PCTP: variants seen among roughly 807,000 people sequenced by gnomAD.
PCTP encodes START domain-containing protein 2.
Under a neutral mutation model 31.0 loss-of-function variants are expected in PCTP, and 27 were observed. That is an observed-to-expected ratio of 0.87 (90% CI 0.64 to 1.20). PCTP has a LOEUF of 1.20. PCTP is among the 50% of genes most tolerant of loss of function. The pLI, the probability that PCTP is intolerant of heterozygous loss-of-function variation, is 0.00. For missense variants in PCTP, 287 were observed against 268.2 expected, an observed-to-expected ratio of 1.07 and a Z score of -0.49; for synonymous variants, 108 against 101.2, an observed-to-expected ratio of 1.07 and a Z score of -0.40.
chr17:55,790,881 A>G (rs1911939482), intron 3 of PCTP, among the ~76,000 whole-genome samples: 2 of 150,522 alleles, frequency 1.3e-5, no homozygotes, highest in Non-Finnish European at 2.9e-5. Flanking sequence ...AGCTGGAGGC[A>G]TCACGCTACC....
At chr17:55,792,039 A>G (rs1329080487) in intron 3 of PCTP, among the ~76,000 whole-genome samples, 3 of 150,518 alleles carry the variant, frequency 2.0e-5, no homozygotes, top group Non-Finnish European at 4.4e-5. Context: ...CATCATTCTC[A>G]GTAAACTATC....
At chr17:55,851,678 G>A in the PCTP span, among the ~76,000 whole-genome samples, 1 of 152,146 alleles carries the variant, frequency 6.6e-6, no homozygotes. Context: ...ATAAGATGAA[G>A]GGACTTATTG....
Position 55,839,942 on chromosome 17 carries a change from A to C in PCTP, n.506-2785A>C, listed in dbSNP as rs917810832. Among the ~76,000 whole-genome samples the C allele has an allele frequency of 6.2e-4, 93 of 150,610 alleles. 1 individual carries two copies. Among genetic ancestry groups the C allele is most frequent in the Non-Finnish European group, 1.2e-3 (84 of 67,520 alleles). ...CTCAAAAAAAAAAAAAAAAAAAAAAAAAAAACAACTGAAGCACGTTTTCAA... is the reference window on the plus strand; with the variant it reads ...CTCAAAAAAAAAAAAAAAAAAAAAACAAAAACAACTGAAGCACGTTTTCAA... On this transcript the variant is annotated intron_variant and non_coding_transcript_variant, in intron 5 of 5. Transcript: ENST00000576221.
chr17:55,795,280 A>G (rs1912148455), intron 3 of PCTP, among the ~76,000 whole-genome samples: 2 of 152,094 alleles, frequency 1.3e-5, no homozygotes, highest in African/African-American at 4.8e-5. Flanking sequence ...AACTTCACGT[A>G]GTCTGACTGC....
At chr17:55,755,217 C>T (rs1048298802) in intron 1 of PCTP, among the ~76,000 whole-genome samples, 4 of 152,056 alleles carry the variant, frequency 2.6e-5, no homozygotes, top group Admixed American at 1.3e-4. Context: ...TTTAAGGACC[C>T]GATTGTGCAT....
intron 3 of PCTP, chr17:55,787,709 T>A (rs1234164245): frequency 6.6e-6 from 1 of 152,162 alleles, no homozygotes; most frequent in South Asian, 2.1e-4. Flanking sequence ...GGTCATCTTA[T>A]CTACCATCTT....
rs188628329 is a variant in PCTP at position 55,819,553 on chromosome 17, C to T, written c.318-3208C>T. On this transcript the variant is annotated intron_variant, in intron 3 of 3. Coordinates refer to the PCTP transcript ENST00000572536. ...ATCATTTTAGTTCAGGAGTTCAAGACCAGCCTAGGAAATATAGGGAATCCC... is the reference window on the plus strand; with the variant it reads ...ATCATTTTAGTTCAGGAGTTCAAGATCAGCCTAGGAAATATAGGGAATCCC... Among the ~76,000 whole-genome samples, 4 of 152,028 alleles carry T rather than the reference C, an allele frequency of 2.6e-5. No individual in the cohort carries two copies. The South Asian group carries it at 8.3e-4, about 32-fold the overall frequency.
At chr17:55,851,981 CA>C in the PCTP span, among the ~76,000 whole-genome samples, 6 of 152,014 alleles carry the variant, frequency 3.9e-5, no homozygotes, top group Non-Finnish European at 5.9e-5. Flanking sequence ...ACGTATATAT[CA>C]AAAAATACAA....
At chr17:55,837,030 G>T (rs1905799494) in intron 5 of PCTP, among the ~76,000 whole-genome samples, 1 of 152,080 alleles carries the variant, frequency 6.6e-6, no homozygotes, top group South Asian at 2.1e-4. Flanking sequence ...TGATGTGAAG[G>T]TTGTATGGTG....
chr17:55,773,979 ATG>A, intron 4 of PCTP, 84 bp downstream of exon 4: 2 of 1,422,164 alleles, frequency 1.4e-6, no homozygotes, highest in Non-Finnish European at 1.9e-6. Context: ...TGTCGAGTAC[ATG>A]AAGCGTATCC....
chr17:55,788,745 G>T (rs1262550782), intron 3 of PCTP, among the ~76,000 whole-genome samples: 1 of 152,108 alleles, frequency 6.6e-6, no homozygotes, highest in Non-Finnish European at 1.5e-5. Context: ...CAACTTTTCT[G>T]TATATCTGAA....
At chr17:55,789,938 C>G in intron 3 of PCTP, among the ~76,000 whole-genome samples, 1 of 152,144 alleles carries the variant, frequency 6.6e-6, no homozygotes, top group East Asian at 1.9e-4. Flanking sequence ...AGCAGCACAT[C>G]AAAAAGCTTA....
chr17:55,824,032 G>A (rs185472880), downstream of PCTP, among the ~76,000 whole-genome samples: 15 of 152,260 alleles, frequency 9.9e-5, 1 homozygote, highest in East Asian at 2.9e-3. Flanking sequence ...TCTACTGGTG[G>A]TATTCATGAC....
the PCTP span, among the ~76,000 whole-genome samples, chr17:55,851,091 T>C: frequency 6.6e-6 from 1 of 152,192 alleles, no homozygotes; most frequent in African/African-American, 2.4e-5. Flanking sequence ...TGAAAAAGCA[T>C]TGTTATTTTA....
intron 5 of PCTP, among the ~76,000 whole-genome samples, chr17:55,830,036 G>T (rs778126697): frequency 2.0e-5 from 3 of 151,564 alleles, no homozygotes. Context: ...TTAAATGTAA[G>T]AATTTATATT....
intron 5 of PCTP, among the ~76,000 whole-genome samples, 195 bp downstream of exon 5, chr17:55,775,054 G>A (rs1042260460): frequency 7.2e-5 from 11 of 152,116 alleles, no homozygotes; most frequent in Non-Finnish European, 1.6e-4. Flanking sequence ...TGGGACAAGA[G>A]ACAAAGAATT....
chr17:55,841,646 G>A (rs994569188), intron 5 of PCTP, among the ~76,000 whole-genome samples: 1 of 152,138 alleles, frequency 6.6e-6, no homozygotes, highest in Non-Finnish European at 1.5e-5. Flanking sequence ...CAAGTGAGGA[G>A]GGGGCGGTCA....
At chr17:55,803,619 C>G (rs755775885) in intron 3 of PCTP, among the ~76,000 whole-genome samples, 2 of 152,138 alleles carry the variant, frequency 1.3e-5, no homozygotes, top group Non-Finnish European at 2.9e-5. Flanking sequence ...AAAGGATTCC[C>G]TATTTAGTAA....
At chr17:55,789,599 C>T (rs1911879299) in intron 3 of PCTP, among the ~76,000 whole-genome samples, 1 of 152,162 alleles carries the variant, frequency 6.6e-6, no homozygotes, top group Non-Finnish European at 1.5e-5. Context: ...GCTCTATCCT[C>T]CTGTGAAGGC....
Sources: allele counts gnomAD v4.1 joint callset (sites outside exome capture counted in the v4.1 genomes callset), GRCh38; gene constraint gnomAD v4.1.1; transcripts MANE v1.5; gene names NCBI Gene and HGNC (gene_info 2026-07-23, HGNC 2026-07-21).